KIF26B: variants seen among roughly 807,000 people sequenced by gnomAD.
The protein encoded by KIF26B is kinesin-like protein KIF26B.
KIF26B carries 63 observed loss-of-function variants against 151.2 expected under a neutral mutation model. The ratio of observed to expected loss-of-function variants is 0.42; its 90% CI spans 0.34 to 0.51. The LOEUF (loss-of-function observed/expected upper bound fraction) is 0.51. KIF26B is among the 20% of genes least tolerant of loss of function. KIF26B has a pLI of 0.07. For synonymous variants in KIF26B, 1,357 were observed against 1,262.1 expected, an observed-to-expected ratio of 1.08 and a Z score of -1.59; for missense variants, 2,813 against 2,913.6, an observed-to-expected ratio of 0.97 and a Z score of 0.79.
chr1:245,186,781 T>TATC (rs938870116), intron 2 of KIF26B, among the ~76,000 whole-genome samples: 9 of 152,260 alleles, frequency 5.9e-5, no homozygotes, highest in South Asian at 2.1e-4. Context: ...AGTATTATTA[T>TATC]ATCATCATCA....
intron 4 of KIF26B, among the ~76,000 whole-genome samples, chr1:245,526,846 T>A (rs1661244953): frequency 1.3e-5 from 2 of 152,224 alleles, no homozygotes; most frequent in Non-Finnish European, 2.9e-5. Flanking sequence ...AATTGAAATA[T>A]GGGAAAAGTG....
Position 245,687,253 on chromosome 1 carries a change from C to T in KIF26B, c.4270C>T (p.Arg1424Trp), listed in dbSNP as rs367975859. The T allele has an allele frequency of 1.6e-5, 26 of 1,612,420 alleles. No homozygotes were observed. The highest frequency in any genetic ancestry group is 1.9e-5 in the Non-Finnish European group (22 of 1,179,574). ...AGCAGGCCCCACATTAGCCCAGTCC[C>T]GGGAGAGTAAGGAAAACAGTGCAAA... ...PKAGPTLAQSRESKENSAKKE... is the reference protein window; with the variant it reads ...PKAGPTLAQSWESKENSAKKE... The change falls in exon 12 of 15, where the codon CGG becomes TGG. Residue 1424 changes from arginine (R) to tryptophan (W), a missense_variant. Arg to Trp is a moderately radical substitution (Grantham distance 101). This residue lies in a region of KIF26B where 2,060 missense variants were observed against 2,088.6 expected (regional missense o/e 0.99). Transcript: ENST00000407071. The surrounding 1 kb of genome is among the most constrained non-coding windows in gnomAD (Gnocchi z 4.9).
At chr1:245,395,884 A>T (rs539994846) in intron 3 of KIF26B, among the ~76,000 whole-genome samples, 10 of 152,276 alleles carry the variant, frequency 6.6e-5, no homozygotes, top group Admixed American at 2.6e-4. Flanking sequence ...TAGCTCTGTG[A>T]CCTTTGGCAA....
intron 9 of KIF26B, among the ~76,000 whole-genome samples, chr1:245,618,714 T>C (rs572106179): frequency 1.4e-5 from 2 of 139,688 alleles, no homozygotes; most frequent in South Asian, 2.4e-4. Context: ...GCTGGGGCTG[T>C]GTCTGCTACG....
At chr1:245,469,367 C>T (rs1659860542) in intron 4 of KIF26B, among the ~76,000 whole-genome samples, 1 of 152,190 alleles carries the variant, frequency 6.6e-6, no homozygotes, top group African/African-American at 2.4e-5. Flanking sequence ...AAAATCAAGC[C>T]ATTAACTGGC....
intron 2 of KIF26B, among the ~76,000 whole-genome samples, chr1:245,267,401 A>G (rs1308440879): frequency 6.6e-6 from 1 of 152,198 alleles, no homozygotes; most frequent in Non-Finnish European, 1.5e-5. Context: ...ACCGTAGAGC[A>G]GAGGACTAAT....
chr1:245,701,367 A>AGTAAT (rs2044769854), intron 14 of KIF26B, among the ~76,000 whole-genome samples: 1 of 152,208 alleles, frequency 6.6e-6, no homozygotes, highest in African/African-American at 2.4e-5. Flanking sequence ...AAGGTTGTCC[A>AGTAAT]GTAATGTAGT....
Position 245,189,254 on chromosome 1 carries a change from C to G in KIF26B, c.465+32571C>G, listed in dbSNP as rs150129391. Reference sequence around the variant, plus strand: ...CTGTCATTATCTTGCATTGTTGATGCTTTTGTTCAAATCCTGGGAAATATG... The same window carrying G: ...CTGTCATTATCTTGCATTGTTGATGGTTTTGTTCAAATCCTGGGAAATATG... On this transcript the variant is annotated intron_variant, in intron 2 of 14. Coordinates refer to ENST00000407071, the MANE Select transcript of KIF26B (RefSeq NM_018012.4). 1.6e-3 allele frequency among the ~76,000 whole-genome samples: 243 copies of G among 152,272 alleles called. 3 individuals carry two copies. In the East Asian group the frequency reaches 0.03, roughly 19 times the overall value.
At chr1:245,523,730 A>C (rs1661181588) in intron 4 of KIF26B, among the ~76,000 whole-genome samples, 1 of 152,190 alleles carries the variant, frequency 6.6e-6, no homozygotes, top group Admixed American at 6.5e-5. Flanking sequence ...CCCCATCTCC[A>C]AATACCATCA....
intron 2 of KIF26B, among the ~76,000 whole-genome samples, chr1:245,187,752 T>A (rs575679403): frequency 0.015 from 2,337 of 152,270 alleles, 37 homozygotes; most frequent in Admixed American, 0.047. Context: ...TGTAACACAC[T>A]TTTCGTGGCT....
intron 4 of KIF26B, among the ~76,000 whole-genome samples, chr1:245,431,114 T>C (rs1348543179): frequency 6.6e-6 from 1 of 152,176 alleles, no homozygotes; most frequent in African/African-American, 2.4e-5. Context: ...ACGATCTCAA[T>C]GTGAGACCAA....
chr1:245,444,668 C>T (rs1222432070), intron 4 of KIF26B, among the ~76,000 whole-genome samples: 4 of 152,130 alleles, frequency 2.6e-5, no homozygotes, highest in African/African-American at 4.8e-5. Flanking sequence ...GGTTAGTTCA[C>T]GTTGTTTGAT....
intron 4 of KIF26B, among the ~76,000 whole-genome samples, chr1:245,482,615 TAAG>T (rs1660191448): frequency 1.3e-5 from 2 of 151,668 alleles, no homozygotes; most frequent in African/African-American, 4.8e-5. Context: ...TCCTTTGAAA[TAAG>T]AAGCGAGGGC....
At chr1:245,210,085 G>C (rs1000844856) in intron 2 of KIF26B, among the ~76,000 whole-genome samples, 4 of 152,228 alleles carry the variant, frequency 2.6e-5, no homozygotes, top group Non-Finnish European at 5.9e-5. Context: ...CATGCAGCTG[G>C]TTGGAACAGA....
rs1573772288 is a variant in KIF26B, at chr1:245,318,894, A to C, written c.466-47940A>C. Among the ~76,000 whole-genome samples the C allele has an allele frequency of 1.3e-5, 2 of 151,692 alleles. No individual in the cohort carries two copies. The highest frequency in any genetic ancestry group is 2.9e-5 in the Non-Finnish European group (2 of 67,938). Reference sequence around the variant, plus strand: ...AGCCAAGATTGATGAGGAAAAAAAAACAAAAACCAAAATCTACTGCATTTT... The same window carrying C: ...AGCCAAGATTGATGAGGAAAAAAAACCAAAAACCAAAATCTACTGCATTTT... On this transcript the variant is annotated intron_variant, in intron 2 of 14. Coordinates refer to ENST00000407071, the MANE Select transcript of KIF26B (RefSeq NM_018012.4). The surrounding 1 kb of genome is among the most constrained non-coding windows in gnomAD (Gnocchi z 4.0).
In KIF26B at chr1:245,687,702, C is replaced by T. The variant is rs1209286105; in HGVS notation, c.4719C>T (p.Ser1573=). ...GTGCAGCCTCGGGCACCCCGCCCTC[C>T]AAGGCTACCCTGGAGGGGAAGGTGG... ...GVGAASGTPP[S]KATLEGKVAS... Residue 1573 remains serine (S), a synonymous_variant, in exon 12 of 15, where the codon TCC becomes TCT. Transcript: ENST00000407071. The surrounding 1 kb of genome is among the most constrained non-coding windows in gnomAD (Gnocchi z 4.9). The T allele has an allele frequency of 1.3e-6, 2 of 1,582,942 alleles. No individual in the cohort carries two copies. The highest frequency in any genetic ancestry group is 1.8e-5 in the Admixed American group (1 of 56,498).
intron 2 of KIF26B, among the ~76,000 whole-genome samples, chr1:245,205,137 C>T (rs1370041215): frequency 3.3e-5 from 5 of 152,002 alleles, no homozygotes; most frequent in Non-Finnish European, 7.4e-5. Flanking sequence ...GAAATGGAGT[C>T]CATGTGTGTA....
At chr1:245,605,998 A>G (rs2043449182) in intron 6 of KIF26B, among the ~76,000 whole-genome samples, 1 of 152,204 alleles carries the variant, frequency 6.6e-6, no homozygotes, top group African/African-American at 2.4e-5. Flanking sequence ...TTTATGTCCA[A>G]AGAAGGCTTA....
chr1:245,442,789 GCGGT>G (rs1344869638), intron 4 of KIF26B, among the ~76,000 whole-genome samples: 67 of 125,012 alleles, frequency 5.4e-4, no homozygotes, highest in Middle Eastern at 4.4e-3. Context: ...TTCACCTACA[GCGGT>G]CATCTCCCTC....
Sources: allele counts gnomAD v4.1 joint callset (sites outside exome capture counted in the v4.1 genomes callset), GRCh38; gene constraint gnomAD v4.1.1; regional missense constraint gnomAD v4.1.1; non-coding constraint Gnocchi (gnomAD v3.1); transcripts MANE v1.5; gene names NCBI Gene and HGNC (gene_info 2026-07-23, HGNC 2026-07-21).